FBXL20: variants seen among roughly 807,000 people sequenced by gnomAD.
FBXL20 encodes F-box/LRR-repeat protein 20.
Under a neutral mutation model 64.0 loss-of-function variants are expected in FBXL20, and 11 were observed. The observed-to-expected ratio is 0.17, with a 90% CI of 0.11 to 0.28. FBXL20 has a LOEUF of 0.28. Ranked by LOEUF, FBXL20 falls within the 10% of genes least tolerant of loss-of-function variation. The pLI, the probability that FBXL20 is intolerant of heterozygous loss-of-function variation, is 1.00. For missense variants in FBXL20, 303 were observed against 526.2 expected (o/e 0.58, Z 4.15); for synonymous variants, 184 against 189.0 (o/e 0.97, Z 0.22).
At chr17:39,401,334 C>T (rs1339093239) in intron 1 of FBXL20, 27 bp downstream of exon 1, 1 of 1,612,034 alleles carries the variant, frequency 6.2e-7, no homozygotes, top group Non-Finnish European at 8.5e-7. Context: ...GCCCTCCTCA[C>T]GCCGCCCGAG....
In FBXL20 at chr17:39,315,393, T is replaced by TTATATATATATATATATATATATA. The variant is rs59563317; in HGVS notation, c.105-11755_105-11754insTATATATATATATATATATATATA. Among the ~76,000 whole-genome samples the TTATATATATATATATATATATATA allele has an allele frequency of 2.4e-3, 319 of 134,404 alleles. 2 individuals carry two copies. Among genetic ancestry groups the TTATATATATATATATATATATATA allele is most frequent in the Middle Eastern group, 7.8e-3 (2 of 256 alleles). 88.2% of individuals were successfully genotyped at this position (134,404 alleles called of 152,430 possible). On this transcript the variant is annotated intron_variant, in intron 2 of 14. Transcript: ENST00000264658. ...TATTAATGGGCAAAGTTTAAATAATTTATATATATATATATATATAGTACA... is the reference window on the plus strand; with the variant it reads ...TATTAATGGGCAAAGTTTAAATAATTTATATATATATATATATATATATATATATATATATATATATATAGTACA...
At chr17:39,347,927 A>G (rs934094271) in intron 1 of FBXL20, among the ~76,000 whole-genome samples, 2 of 152,126 alleles carry the variant, frequency 1.3e-5, no homozygotes, top group Non-Finnish European at 2.9e-5. Flanking sequence ...CAGTTTTCCA[A>G]GCCCCATCTA....
At chr17:39,380,666 C>A (rs2048012952) in intron 1 of FBXL20, among the ~76,000 whole-genome samples, 1 of 152,100 alleles carries the variant, frequency 6.6e-6, no homozygotes, top group African/African-American at 2.4e-5. Context: ...ATTATTTACT[C>A]TTTTATGTTG....
rs547849568 is a variant in FBXL20, at chr17:39,343,140, TACACATA to T, written c.104+33_104+39del. ...AAATTTTAAACAGGCAAATATGACA[TACACATA>T]AAAAAACCCATAAAATTAGCATTCA... On this transcript the variant is annotated intron_variant, in intron 2 of 14. Coordinates refer to ENST00000264658, the MANE Select transcript of FBXL20 (RefSeq NM_032875.3). 2,210 of 1,478,014 alleles carry T rather than the reference TACACATA, an allele frequency of 1.5e-3. 27 individuals are homozygous for T. The African/African-American group carries it at 0.028, about 19-fold the overall frequency. The allele number at this position is 1,478,014 out of a possible 1,614,324, so 91.6% of individuals were successfully genotyped here. A position where few individuals can be genotyped will look rare whatever the true frequency, so the allele number is the denominator to read the frequency against.
chr17:39,348,143 T>C (rs969772669), intron 1 of FBXL20, among the ~76,000 whole-genome samples: 1 of 151,650 alleles, frequency 6.6e-6, no homozygotes, highest in African/African-American at 2.4e-5. Context: ...CAGGATCTCC[T>C]GAGGGCTGTG....
intron 7 of FBXL20, among the ~76,000 whole-genome samples, chr17:39,284,782 A>G (rs950352542): frequency 6.6e-6 from 1 of 152,192 alleles, no homozygotes; most frequent in African/African-American, 2.4e-5. Context: ...GCAAAACTTT[A>G]TATGGTGTTG....
intron 1 of FBXL20, among the ~76,000 whole-genome samples, chr17:39,380,654 A>T (rs1021932223): frequency 1.6e-4 from 24 of 152,108 alleles, no homozygotes; most frequent in Non-Finnish European, 2.6e-4. Flanking sequence ...AACATCTGGC[A>T]TATTATTTAC....
intron 1 of FBXL20, among the ~76,000 whole-genome samples, chr17:39,387,943 T>C (rs1245920517): frequency 6.6e-6 from 1 of 152,150 alleles, no homozygotes; most frequent in Non-Finnish European, 1.5e-5. Context: ...CAGTCCCATC[T>C]GTATTATAAA....
At chr17:39,382,786 G>A (rs186228265) in intron 1 of FBXL20, among the ~76,000 whole-genome samples, 46 of 152,192 alleles carry the variant, frequency 3.0e-4, no homozygotes, top group African/African-American at 9.9e-4. Flanking sequence ...GCTGCAGTGA[G>A]CTATGATCCT....
rs928632129 is a variant in FBXL20 at position 39,301,494 on chromosome 17, G to A, written c.160-419C>T. ...TGTAATCCCAGCACTTTAGGAGGCCGAGGCAGGCGGATCACCTGAGGTCAA... is the reference window on the plus strand; with the variant it reads ...TGTAATCCCAGCACTTTAGGAGGCCAAGGCAGGCGGATCACCTGAGGTCAA... On this transcript the variant is annotated intron_variant, in intron 3 of 14. Transcript: ENST00000264658. Among the ~76,000 whole-genome samples, 13 of 151,988 alleles carry A rather than the reference G, an allele frequency of 8.6e-5. No individual in the cohort carries two copies. In the East Asian group the frequency reaches 9.7e-4, roughly 11 times the overall value.
intron 2 of FBXL20, among the ~76,000 whole-genome samples, chr17:39,339,524 C>G (rs982251197): frequency 1.3e-5 from 2 of 152,154 alleles, no homozygotes; most frequent in African/African-American, 2.4e-5. Flanking sequence ...TGGATAAAAT[C>G]CTGTTCTTAG....
At chr17:39,337,402 C>T (rs1167524249) in intron 2 of FBXL20, among the ~76,000 whole-genome samples, 1 of 152,144 alleles carries the variant, frequency 6.6e-6, no homozygotes, top group Non-Finnish European at 1.5e-5. Flanking sequence ...TCTGCCCGGC[C>T]GCCACCCCAT....
intron 1 of FBXL20, among the ~76,000 whole-genome samples, chr17:39,363,883 CTTTTTTTTTT>C (rs71147324): frequency 8.0e-4 from 39 of 48,682 alleles, no homozygotes; most frequent in Admixed American, 1.6e-3. Context: ...TGAATCATAT[CTTTTTTTTTT>C]TTTTTTTTTT....
intron 1 of FBXL20, among the ~76,000 whole-genome samples, chr17:39,348,794 A>G (rs1196246844): frequency 6.6e-6 from 1 of 152,026 alleles, no homozygotes; most frequent in Non-Finnish European, 1.5e-5. Context: ...TGACCTCCGG[A>G]CTCAATGCTC....
intron 1 of FBXL20, among the ~76,000 whole-genome samples, chr17:39,399,161 T>C (rs1007752998): frequency 1.3e-5 from 2 of 152,054 alleles, no homozygotes; most frequent in African/African-American, 2.4e-5. Context: ...TAGCCACAAT[T>C]TGAAATTAGC....
At chr17:39,329,220 T>C (rs1037472323) in intron 2 of FBXL20, among the ~76,000 whole-genome samples, 2 of 152,210 alleles carry the variant, frequency 1.3e-5, no homozygotes, top group Non-Finnish European at 2.9e-5. Flanking sequence ...TATGCCTATG[T>C]TATGATACAG....
At chr17:39,365,990 TAA>T (rs201312581) in intron 1 of FBXL20, among the ~76,000 whole-genome samples, 5 of 151,912 alleles carry the variant, frequency 3.3e-5, no homozygotes, top group African/African-American at 9.7e-5. Context: ...CAACGGAATT[TAA>T]AAAAATTTTT....
chr17:39,292,635 T>C (rs1053828131), intron 6 of FBXL20, among the ~76,000 whole-genome samples: 4 of 122,688 alleles, frequency 3.3e-5, no homozygotes, highest in Admixed American at 2.3e-4. Flanking sequence ...TTCTTTTCTT[T>C]TTTTTGAGAG....
intron 2 of FBXL20, 60 bp from the exon 3 acceptor site, chr17:39,303,699 T>C: frequency 1.4e-6 from 2 of 1,458,582 alleles, no homozygotes; most frequent in Non-Finnish European, 1.9e-6. Flanking sequence ...GACCTTTATT[T>C]ATTTTGAGAC....
Sources: allele counts gnomAD v4.1 joint callset (sites outside exome capture counted in the v4.1 genomes callset), GRCh38; gene constraint gnomAD v4.1.1; transcripts MANE v1.5; gene names NCBI Gene and HGNC (gene_info 2026-07-23, HGNC 2026-07-21).